The following PRSS57 variants were observed in gnomAD, a reference collection of about 807,000 sequenced individuals.
The protein encoded by PRSS57 is neutrophil serine protease 4.
Under a neutral mutation model 20.6 loss-of-function variants are expected in PRSS57, and 19 were observed. The observed-to-expected ratio is 0.92, with a 90% CI of 0.64 to 1.35. PRSS57 has a LOEUF of 1.35. PRSS57 is among the 40% of genes most tolerant of loss of function. The pLI is 0.00. For missense variants in PRSS57, 440 were observed against 403.7 expected (o/e 1.09, Z -0.77); for synonymous variants, 203 against 176.6 (o/e 1.15, Z -1.19).
intron 3 of PRSS57, chr19:690,401 C>T (rs888349103): frequency 5.6e-5 from 9 of 161,104 alleles, no homozygotes; most frequent in Non-Finnish European, 9.6e-5. Context: ...GGATGGGGAA[C>T]GGCGCTGGCT....
At chr19:689,996 T>C (rs1004267781) in intron 3 of PRSS57, among the ~76,000 whole-genome samples, 3 of 150,644 alleles carry the variant, frequency 2.0e-5, no homozygotes, top group East Asian at 1.9e-4. Flanking sequence ...GAGGTTGCAG[T>C]GAGCCCTGAC....
At position 685,816 on chromosome 19, in the gene PRSS57, A is replaced by G; in HGVS notation, c.749T>C (p.Val250Ala). ...CCAGATCCAGGCCACAAAGGCGGAC[A>G]CCTGCGTGTACACGTCGGGGGTCTT... ...DPKTPDVYTQVSAFVAWIWDV... is the reference protein window; with the variant it reads ...DPKTPDVYTQASAFVAWIWDV... Residue 250 changes from valine (V) to alanine (A), a missense_variant, in exon 5 of 5, where the codon GTG becomes GCG. Physicochemically the swap from Val to Ala is moderately conservative, Grantham distance 64. Coordinates refer to ENST00000329267, the MANE Select transcript of PRSS57 (RefSeq NM_001308209.2). The G allele has an allele frequency of 6.4e-7, 1 of 1,563,654 alleles. No individual in the cohort carries two copies. Among genetic ancestry groups the G allele is most frequent in the Non-Finnish European group, 8.7e-7 (1 of 1,154,088 alleles).
intron 3 of PRSS57, among the ~76,000 whole-genome samples, chr19:689,829 G>A (rs116145711): frequency 0.016 from 2,383 of 152,312 alleles, 62 homozygotes; most frequent in African/African-American, 0.055. Flanking sequence ...CAAGGTGGGC[G>A]GATCACTTGA....
intron 1 of PRSS57, 35 bp from the exon 2 acceptor site, chr19:695,002 G>C: frequency 6.7e-7 from 1 of 1,489,280 alleles, no homozygotes. Flanking sequence ...GGGACGAGGC[G>C]GGAGGAACGG....
intron 1 of PRSS57, 62 bp from the exon 2 acceptor site, chr19:695,029 C>G: frequency 1.4e-6 from 2 of 1,436,280 alleles, no homozygotes; most frequent in East Asian, 2.5e-5. Flanking sequence ...GGGCTGGGGT[C>G]AGGGCAGGGG....
In PRSS57 at chr19:685,803, C is replaced by T. The variant is rs2031456665; in HGVS notation, c.762G>A (p.Val254=). The T allele has an allele frequency of 6.4e-7, 1 of 1,566,810 alleles. No individual in the cohort carries two copies. ...PDVYTQVSAF[V]AWIWDVVRRS... ...GCCGAACCACGTCCCAGATCCAGGC[C>T]ACAAAGGCGGACACCTGCGTGTACA... The change falls in exon 5 of 5, where the codon GTG becomes GTA. Residue 254 remains valine (V), a synonymous_variant. Transcript: ENST00000329267.
intron 1 of PRSS57, among the ~76,000 whole-genome samples, 162 bp from the exon 2 acceptor site, chr19:695,129 G>A (rs1258079027): frequency 2.0e-5 from 3 of 152,160 alleles, no homozygotes; most frequent in African/African-American, 7.2e-5. Flanking sequence ...AAGCCCCCCA[G>A]ATGCGCTGGG....
chr19:695,118 C>A, intron 1 of PRSS57, 151 bp from the exon 2 acceptor site: 1 of 794,502 alleles, frequency 1.3e-6, no homozygotes, highest in Middle Eastern at 4.0e-4. Context: ...AGAGCCCAGA[C>A]AAGCCCCCCA....
Position 685,570 on chromosome 19 carries a change from G to A in PRSS57, c.*146C>T, listed in dbSNP as rs554835784. 6.7e-5 allele frequency: 50 copies of A among 747,024 alleles called. No homozygotes were observed. The African/African-American group carries it at 7.9e-4, about 12-fold the overall frequency. 46.3% of individuals were successfully genotyped at this position (747,024 alleles called of 1,614,324 possible). ...AGTCAGTTAACATTTTACTGGGTTTGCTTCTGCCCTTTGCATGTGGAATGG... is the reference window on the plus strand; with the variant it reads ...AGTCAGTTAACATTTTACTGGGTTTACTTCTGCCCTTTGCATGTGGAATGG... On this transcript the variant is annotated 3_prime_UTR_variant, in exon 5 of 5. Transcript: ENST00000329267.
Position 691,876 on chromosome 19 carries a change from G to A in PRSS57, c.360C>T (p.Asn120=), listed in dbSNP as rs370456950. Reference sequence around the variant, plus strand: ...GGCTCACCCGCAGCAGGCAGATGTCGTTGGCGTGGGTCATGGGGTGGTAGT... The same window carrying A: ...GGCTCACCCGCAGCAGGCAGATGTCATTGGCGTGGGTCATGGGGTGGTAGT... ...HPDYHPMTHA[N]DICLLRLNGS... The change falls in exon 3 of 5, where the codon AAC becomes AAT. Residue 120 remains asparagine, a synonymous_variant. Coordinates refer to ENST00000329267, the MANE Select transcript of PRSS57 (RefSeq NM_001308209.2). The A allele has an allele frequency of 6.0e-5, 80 of 1,334,528 alleles. No individual in the cohort carries two copies. In the Middle Eastern group the frequency reaches 6.0e-4, roughly 10 times the overall value. 82.7% of individuals were successfully genotyped at this position (1,334,528 alleles called of 1,614,324 possible). A position where few individuals can be genotyped will look rare whatever the true frequency, so the allele number is the denominator to read the frequency against.
chr19:693,618 G>C (rs2031711823), intron 2 of PRSS57, among the ~76,000 whole-genome samples: 2 of 152,102 alleles, frequency 1.3e-5, no homozygotes, highest in South Asian at 2.1e-4. Flanking sequence ...CCCTAGGCTG[G>C]AGTGCAGTGG....
chr19:695,292 T>A, intron 1 of PRSS57, 60 bp downstream of exon 1: 1 of 821,696 alleles, frequency 1.2e-6, no homozygotes, highest in South Asian at 5.9e-5. Context: ...GGTTCCCGGG[T>A]GTGGCCCCCG....
chr19:693,122 A>G (rs911793807), intron 2 of PRSS57, among the ~76,000 whole-genome samples: 15 of 151,026 alleles, frequency 9.9e-5, no homozygotes, highest in African/African-American at 3.6e-4. Context: ...TAGTAGAGAC[A>G]GGGTTTCACC....
chr19:692,447 CAG>C (rs2031675912), intron 2 of PRSS57, among the ~76,000 whole-genome samples: 2 of 30,700 alleles, frequency 6.5e-5, no homozygotes, highest in Admixed American at 4.6e-4. Flanking sequence ...TTTTTTGAGA[CAG>C]AGTCTCACTC....
In PRSS57 at chr19:686,875, G is replaced by T. The variant is rs74962726; in HGVS notation, c.642+50C>A. On this transcript the variant is annotated intron_variant, in intron 4 of 4. Transcript: ENST00000329267. ...TTCCTGGCCCTGACCCTCTCTGTGG[G>T]CCTTGGTTTCCCCACACAGTAAGTG... is the stretch of plus-strand genomic sequence containing the variant. 2.5e-6 allele frequency: 4 copies of T among 1,575,488 alleles called. No homozygotes were observed. In the African/African-American group the frequency reaches 4.0e-5, roughly 16 times the overall value.
chr19:687,116 T>TGG lies in PRSS57; in HGVS notation c.449_450dup (p.Thr151ProfsTer25). 6.2e-7 allele frequency: 1 copy of TGG among 1,611,742 alleles called. No individual in the cohort carries two copies. The highest frequency in any genetic ancestry group is 8.5e-7 in the Non-Finnish European group (1 of 1,179,050). ...GCCACCCGGCACCGTGTCCCCGCTG[T>TGG]GGGGGGCCTGGCCCTTCTCCCTGGC... On this transcript the variant is annotated frameshift_variant, in exon 4 of 5. Transcript: ENST00000329267. LOFTEE classifies it high-confidence loss of function.
At chr19:695,316 C>CG (rs2031759886) in intron 1 of PRSS57, 36 bp downstream of exon 1, 12 of 1,082,694 alleles carry the variant, frequency 1.1e-5, no homozygotes, top group Non-Finnish European at 1.4e-5. Flanking sequence ...GGGGACTTGG[C>CG]GGGGGCCTGG....
intron 2 of PRSS57, among the ~76,000 whole-genome samples, chr19:692,212 A>T (rs894688096): frequency 4.0e-5 from 6 of 150,650 alleles, no homozygotes; most frequent in African/African-American, 1.5e-4. Context: ...TCTACTAAAA[A>T]TACAAAATTA....
At chr19:688,513 C>A (rs898669391) in intron 3 of PRSS57, among the ~76,000 whole-genome samples, 2 of 146,236 alleles carry the variant, frequency 1.4e-5, no homozygotes, top group Non-Finnish European at 3.0e-5. Context: ...AAGGGGTCGT[C>A]CCTCGAGCAG....
Sources: allele counts gnomAD v4.1 joint callset (sites outside exome capture counted in the v4.1 genomes callset), GRCh38; gene constraint gnomAD v4.1.1; transcripts MANE v1.5; gene names NCBI Gene and HGNC (gene_info 2026-07-23, HGNC 2026-07-21).